Variants in GLG1 observed in about 807,000 individuals in gnomAD.
GLG1 encodes the protein Golgi apparatus protein 1.
A neutral mutation model predicts 160.5 loss-of-function variants in GLG1; 38 were observed. The ratio of observed to expected loss-of-function variants is 0.24; its 90% CI spans 0.18 to 0.31. The LOEUF (loss-of-function observed/expected upper bound fraction) is 0.31. Ranked by LOEUF, GLG1 falls within the 10% of genes least tolerant of loss-of-function variation. The pLI is 1.00. For synonymous variants in GLG1, 644 were observed against 543.4 expected, an observed-to-expected ratio of 1.19 and a Z score of -2.57; for missense variants, 1,373 against 1,505.2, an observed-to-expected ratio of 0.91 and a Z score of 1.45.
Position 74,471,329 on chromosome 16 carries a change from A to C in GLG1, c.2116-43T>G, listed in dbSNP as rs966231069. On this transcript the variant is annotated intron_variant, in intron 14 of 25. Transcript: ENST00000422840. ...CATTTACACTTCATTGGTAACAATT[A>C]ATGAACAAAACTTGTAGCCCAGTCC... is the stretch of plus-strand genomic sequence containing the variant. 24 of 1,105,984 alleles carry C rather than the reference A, an allele frequency of 2.2e-5. 1 individual carries two copies. The highest frequency in any genetic ancestry group is 3.1e-5 in the Non-Finnish European group (22 of 717,474). The allele number at this position is 1,105,984 out of a possible 1,614,324, so 68.5% of individuals were successfully genotyped here.
chr16:74,448,136 C>G lies in GLG1; in HGVS notation c.*5031G>C, dbSNP rs914624779. The G allele has an allele frequency of 6.6e-6, 1 of 152,198 alleles. No individual in the cohort carries two copies. The highest frequency in any genetic ancestry group is 2.4e-5 in the African/African-American group (1 of 41,434). 9.4% of individuals were successfully genotyped at this position (152,198 alleles called of 1,614,324 possible). On this transcript the variant is annotated 3_prime_UTR_variant, in exon 26 of 26. Coordinates refer to ENST00000422840, the MANE Select transcript of GLG1 (RefSeq NM_001145667.2). The stretch of plus-strand genomic sequence containing the variant: ...GACCTCACCAGATGGCTTTGGGGAG[C>G]TCTTCACCCTAAAGATTCGGTCTGG...
chr16:74,601,101 C>A (rs1477092413), intron 1 of GLG1, among the ~76,000 whole-genome samples: 1 of 152,080 alleles, frequency 6.6e-6, no homozygotes, highest in Non-Finnish European at 1.5e-5. Flanking sequence ...CATAATATAT[C>A]CTAAAGCCAA....
At chr16:74,471,146 G>C (rs201144922) in intron 15 of GLG1, 27 bp downstream of exon 15, 4 of 1,131,056 alleles carry the variant, frequency 3.5e-6, no homozygotes, top group Non-Finnish European at 5.4e-6. Flanking sequence ...AGCTATGATG[G>C]GATATTGGCA....
At chr16:74,569,628 G>A (rs1282124293) in intron 1 of GLG1, among the ~76,000 whole-genome samples, 1 of 152,072 alleles carries the variant, frequency 6.6e-6, no homozygotes, top group African/African-American at 2.4e-5. Context: ...TTGGGAGGCC[G>A]AGATGGGTGG....
At chr16:74,543,898 T>C (rs1055804909) in intron 1 of GLG1, among the ~76,000 whole-genome samples, 28 of 151,808 alleles carry the variant, frequency 1.8e-4, no homozygotes, top group African/African-American at 6.0e-4. Flanking sequence ...TCAGTGAGAA[T>C]AGGGGGGAGA....
intron 10 of GLG1, among the ~76,000 whole-genome samples, chr16:74,481,634 GAATATATTGAATCTTC>G (rs1225170550): frequency 1.3e-5 from 2 of 152,116 alleles, no homozygotes; most frequent in Admixed American, 1.3e-4. Context: ...ATAGAAATAA[GAATATATTGAATCTTC>G]AAGTAATCTC....
intron 7 of GLG1, among the ~76,000 whole-genome samples, chr16:74,491,643 T>G (rs1290706228): frequency 3.7e-5 from 5 of 136,212 alleles, no homozygotes; most frequent in Admixed American, 7.5e-5. Flanking sequence ...AAACTTTTTT[T>G]TTTTTTTTTT....
intron 11 of GLG1, among the ~76,000 whole-genome samples, chr16:74,478,910 G>T (rs1005794810): frequency 3.7e-5 from 1 of 26,790 alleles, no homozygotes; most frequent in African/African-American, 7.7e-5. Flanking sequence ...AAAAAAAAAG[G>T]GGGGGGTTAT....
At position 74,503,467 on chromosome 16, in the gene GLG1, T is replaced by C. The variant is rs139152082; in HGVS notation, c.774+64A>G. 1.5e-4 allele frequency: 163 copies of C among 1,109,318 alleles called. No homozygotes were observed. In the African/African-American group the frequency reaches 2.1e-3, roughly 14 times the overall value. The allele number at this position is 1,109,318 out of a possible 1,614,324, so 68.7% of individuals were successfully genotyped here. A position where few individuals can be genotyped will look rare whatever the true frequency, so the allele number is the denominator to read the frequency against. ...TCCTAAATTTTTCCCATGTCAGTTA[T>C]ACAAAGCTTTTCATACACCAAATTT... is the stretch of plus-strand genomic sequence containing the variant. On this transcript the variant is annotated intron_variant, in intron 4 of 25. Coordinates refer to ENST00000422840, the MANE Select transcript of GLG1 (RefSeq NM_001145667.2).
chr16:74,536,219 A>G (rs2017683360), intron 1 of GLG1, among the ~76,000 whole-genome samples: 1 of 152,172 alleles, frequency 6.6e-6, no homozygotes, highest in South Asian at 2.1e-4. Flanking sequence ...GATATAGTAC[A>G]TCTATTTCCA....
intron 14 of GLG1, among the ~76,000 whole-genome samples, chr16:74,471,729 C>T (rs2015215324): frequency 6.6e-6 from 1 of 152,160 alleles, no homozygotes. Flanking sequence ...TGGGCAGATG[C>T]TAACAATTCC....
intron 11 of GLG1, among the ~76,000 whole-genome samples, chr16:74,479,399 G>A (rs369516529): frequency 2.6e-5 from 4 of 151,360 alleles, no homozygotes; most frequent in African/African-American, 9.7e-5. Context: ...GAAAGATGCC[G>A]GGATGTGGGA....
Position 74,506,594 on chromosome 16 carries a change from A to AAAAAAAC in GLG1, c.558+2244_558+2245insGTTTTTT, listed in dbSNP as rs2016615857. 3.4e-5 allele frequency among the ~76,000 whole-genome samples: 5 copies of AAAAAAAC among 148,840 alleles called. No homozygotes were observed. The South Asian group carries it at 6.4e-4, about 19-fold the overall frequency. On this transcript the variant is annotated intron_variant, in intron 3 of 25. Coordinates refer to ENST00000422840, the MANE Select transcript of GLG1 (RefSeq NM_001145667.2). ...AAGACTCCGTCTCAAAAAAAAAAAA[A>AAAAAAAC]AAAAAAAAAACTCAAGAGAAACCAG...
In GLG1 at chr16:74,531,343, A is replaced by C. The variant is rs532880703; in HGVS notation, c.471+778T>G. On this transcript the variant is annotated intron_variant, in intron 2 of 25. Transcript: ENST00000422840. The stretch of plus-strand genomic sequence containing the variant: ...TTTATTTATTGATTTATTTAAGACA[A>C]AGTCTTGCTCTGTTGCCCAGGCTGG... Among the ~76,000 whole-genome samples, 3 of 152,076 alleles carry C rather than the reference A, an allele frequency of 2.0e-5. No individual in the cohort carries two copies. The South Asian group carries it at 6.2e-4, about 32-fold the overall frequency.
chr16:74,495,365 C>T (rs2016148270), intron 5 of GLG1, among the ~76,000 whole-genome samples: 1 of 152,222 alleles, frequency 6.6e-6, no homozygotes, highest in Admixed American at 6.5e-5. Context: ...CTGCCTGCCT[C>T]GGCCTCCCAA....
At chr16:74,516,879 C>T (rs1367943758) in intron 2 of GLG1, among the ~76,000 whole-genome samples, 1 of 152,056 alleles carries the variant, frequency 6.6e-6, no homozygotes, top group Non-Finnish European at 1.5e-5. Flanking sequence ...CTATCACCAC[C>T]GATCCCACAG....
In GLG1 at chr16:74,607,003, G is replaced by A; in HGVS notation, c.92C>T (p.Pro31Leu). The A allele has an allele frequency of 6.2e-7, 1 of 1,604,744 alleles. No individual in the cohort carries two copies. The highest frequency in any genetic ancestry group is 8.5e-7 in the Non-Finnish European group (1 of 1,177,696). ...LLFAAGAEKL[P>L]GQGVHSQGQG... ...GCCCTGGCTGTGGACGCCCTGGCCG[G>A]GGAGTTTCTCGGCCCCGGCCGCGAA... Residue 31 changes from proline (P) to leucine (L), a missense_variant, in exon 1 of 26, where the codon CCC becomes CTC. Pro to Leu is a moderately conservative substitution (Grantham distance 98). This residue lies in a region of GLG1 where 322 missense variants were observed against 254.6 expected (regional missense o/e 1.26). Coordinates refer to ENST00000422840, the MANE Select transcript of GLG1 (RefSeq NM_001145667.2).
intron 1 of GLG1, among the ~76,000 whole-genome samples, chr16:74,574,259 G>A (rs2018923350): frequency 1.3e-5 from 2 of 152,170 alleles, no homozygotes; most frequent in Admixed American, 1.3e-4. Context: ...GTTCACAGTT[G>A]CAAGCATCCA....
chr16:74,490,457 C>T (rs1312213885), intron 8 of GLG1, among the ~76,000 whole-genome samples: 3 of 152,160 alleles, frequency 2.0e-5, no homozygotes, highest in Non-Finnish European at 4.4e-5. Context: ...CATAGTTGCC[C>T]TAGTATATGA....
Sources: gnomAD v4.1 joint callset for allele counts (sites outside exome capture counted in the v4.1 genomes callset) on GRCh38, gnomAD v4.1.1 for gene constraint, gnomAD v4.1.1 regional missense constraint, MANE v1.5 for transcripts, NCBI Gene and HGNC (gene_info 2026-07-23, HGNC 2026-07-21) for gene names.